The following DLG2 variants were observed in gnomAD, a reference collection of about 807,000 sequenced individuals.
DLG2 encodes disks large homolog 2.
DLG2 carries 45 observed loss-of-function variants against 132.5 expected under a neutral mutation model. The observed-to-expected ratio is 0.34, with a 90% confidence interval of 0.27 to 0.44. DLG2 has a LOEUF of 0.44. Ranked by LOEUF, DLG2 falls within the 20% of genes least tolerant of loss-of-function variation. DLG2 has a pLI of 1.00. For synonymous variants in DLG2, 424 were observed against 419.6 expected (o/e 1.01, Z -0.13); for missense variants, 1,045 against 1,196.9 (o/e 0.87, Z 1.87).
chr11:84,805,581 TCGGG>T (rs2075902244), intron 6 of DLG2, among the ~76,000 whole-genome samples: 1 of 152,062 alleles, frequency 6.6e-6, no homozygotes, highest in African/African-American at 2.4e-5. Context: ...CCTCAAGAGA[TCGGG>T]TTGGTTGTTT....
At chr11:84,642,041 C>A (rs773688514) in intron 6 of DLG2, among the ~76,000 whole-genome samples, 6 of 142,794 alleles carry the variant, frequency 4.2e-5, no homozygotes, top group Non-Finnish European at 7.6e-5. Context: ...CACATGCATA[C>A]GTATATATGT....
At chr11:84,547,009 C>T (rs2099391242) in intron 6 of DLG2, among the ~76,000 whole-genome samples, 1 of 152,206 alleles carries the variant, frequency 6.6e-6, no homozygotes, top group Non-Finnish European at 1.5e-5. Context: ...TCAATTCCTA[C>T]TTTGATAACC....
intron 6 of DLG2, among the ~76,000 whole-genome samples, chr11:84,792,155 T>G (rs1269411913): frequency 6.6e-6 from 1 of 152,226 alleles, no homozygotes; most frequent in African/African-American, 2.4e-5. Flanking sequence ...GATGTTGAAT[T>G]TTATCAAATG....
intron 3 of DLG2, among the ~76,000 whole-genome samples, chr11:85,505,875 T>C (rs1044960449): frequency 1.3e-5 from 2 of 152,212 alleles, no homozygotes; most frequent in African/African-American, 4.8e-5. Context: ...GGTAGGCTAT[T>C]AATTACTGCT....
At chr11:84,545,751 CTTTTT>C (rs35596423) in intron 6 of DLG2, 37 of 106,722 alleles carry the variant, frequency 3.5e-4, no homozygotes, top group Middle Eastern at 5.0e-3. Flanking sequence ...AGGTGATGTT[CTTTTT>C]TTTTTTTTTT....
intron 19 of DLG2, among the ~76,000 whole-genome samples, chr11:83,603,364 GTTC>G (rs966778554): frequency 6.6e-6 from 1 of 151,882 alleles, no homozygotes; most frequent in African/African-American, 2.4e-5. Context: ...GTATATAACA[GTTC>G]TTCATTCATT....
At chr11:84,989,349 T>C (rs932364652) in intron 6 of DLG2, among the ~76,000 whole-genome samples, 2 of 152,122 alleles carry the variant, frequency 1.3e-5, no homozygotes, top group African/African-American at 4.8e-5. Flanking sequence ...CTAATTTTTA[T>C]ATTTTTAGTA....
intron 8 of DLG2, among the ~76,000 whole-genome samples, chr11:84,184,852 C>G (rs1485180680): frequency 3.3e-5 from 5 of 152,070 alleles, no homozygotes; most frequent in African/African-American, 9.7e-5. Context: ...GCTTGTTTTT[C>G]TCAGGTTTGT....
chr11:84,923,586 A>T (rs2092865063), intron 6 of DLG2: 19 of 991,888 alleles, frequency 1.9e-5, no homozygotes, highest in Non-Finnish European at 2.0e-5. Context: ...CGCAGACTGT[A>T]AATGAAGAGG....
At chr11:85,070,209 G>T (rs1009400794) in intron 6 of DLG2, among the ~76,000 whole-genome samples, 2 of 151,674 alleles carry the variant, frequency 1.3e-5, no homozygotes, top group African/African-American at 4.8e-5. Flanking sequence ...TGTAAATGAC[G>T]AGTTAATGGG....
intron 25 of DLG2, among the ~76,000 whole-genome samples, chr11:83,467,787 A>ATG: frequency 1.0e-5 from 1 of 98,384 alleles, no homozygotes; most frequent in African/African-American, 5.1e-5. Context: ...ATATATATAT[A>ATG]TATATATATA....
At chr11:85,593,289 T>A (rs953486862) in intron 3 of DLG2, among the ~76,000 whole-genome samples, 34 of 152,224 alleles carry the variant, frequency 2.2e-4, no homozygotes, top group Admixed American at 2.2e-3. Flanking sequence ...TTACTTTCCC[T>A]GAATGGCCAA....
chr11:84,437,310 G>A (rs181963382), intron 7 of DLG2: 4 of 152,220 alleles, frequency 2.6e-5, no homozygotes, highest in Admixed American at 2.0e-4. Context: ...TAAAGACTGC[G>A]TCTGTACTCA....
At chr11:85,520,795 AAGCTGGATATTC>A (rs1204746334) in intron 3 of DLG2, among the ~76,000 whole-genome samples, 6 of 152,324 alleles carry the variant, frequency 3.9e-5, no homozygotes, top group African/African-American at 1.4e-4. Flanking sequence ...GGTGCTGGGA[AAGCTGGATATTC>A]ATATGCAGAA....
At chr11:83,949,313 T>A (rs554052843) in intron 14 of DLG2, among the ~76,000 whole-genome samples, 1 of 152,280 alleles carries the variant, frequency 6.6e-6, no homozygotes, top group East Asian at 1.9e-4. Context: ...ATGTTGTATG[T>A]GATAACTACA....
At chr11:85,435,554 C>A (rs899772528) in intron 3 of DLG2, among the ~76,000 whole-genome samples, 15 of 152,058 alleles carry the variant, frequency 9.9e-5, no homozygotes, top group Non-Finnish European at 1.8e-4. Context: ...AATGAACTCC[C>A]ATTCACAGTT....
intron 7 of DLG2, among the ~76,000 whole-genome samples, chr11:84,479,491 C>T (rs994645254): frequency 6.6e-6 from 1 of 151,972 alleles, no homozygotes; most frequent in Non-Finnish European, 1.5e-5. Flanking sequence ...ATTCTGAGGG[C>T]CTACCAAGGC....
intron 6 of DLG2, among the ~76,000 whole-genome samples, chr11:84,850,746 T>G (rs1481783907): frequency 6.6e-6 from 1 of 152,128 alleles, no homozygotes; most frequent in Non-Finnish European, 1.5e-5. Context: ...TTTTATACAC[T>G]AACAATGAAT....
chr11:83,552,021 A>G (rs989996303), intron 19 of DLG2, among the ~76,000 whole-genome samples: 3 of 152,196 alleles, frequency 2.0e-5, no homozygotes, highest in Non-Finnish European at 4.4e-5. Flanking sequence ...ACTGTATGTC[A>G]GTGATGGTTC....
Sources: allele counts gnomAD v4.1 joint callset (sites outside exome capture counted in the v4.1 genomes callset), GRCh38; gene constraint gnomAD v4.1.1; transcripts MANE v1.5; gene names NCBI Gene and HGNC (gene_info 2026-07-23, HGNC 2026-07-21).